The following MSRA variants were observed in gnomAD, a reference collection of about 807,000 sequenced individuals.
The protein encoded by MSRA is methionine sulfoxide reductase A.
MSRA carries 54 observed loss-of-function variants against 31.3 expected under a neutral mutation model. That is an observed-to-expected ratio of 1.73 (90% CI 1.39 to 2.17). The LOEUF (loss-of-function observed/expected upper bound fraction) is 2.17, where lower values mean the gene tolerates loss of function less well. MSRA is among the 30% of genes most tolerant of loss of function. MSRA has a pLI of 0.00. For synonymous variants in MSRA, 169 were observed against 116.5 expected (o/e 1.45, Z -2.90); for missense variants, 507 against 300.9 (o/e 1.69, Z -5.07).
intron 1 of MSRA, among the ~76,000 whole-genome samples, chr8:10,093,123 T>C (rs564640682): frequency 1.3e-4 from 20 of 152,286 alleles, no homozygotes; most frequent in African/African-American, 4.8e-4. Flanking sequence ...AATTTTGTTT[T>C]AAAATTTTAA....
intron 5 of MSRA, among the ~76,000 whole-genome samples, chr8:10,390,256 G>A (rs898848531): frequency 2.6e-5 from 4 of 152,224 alleles, no homozygotes; most frequent in Admixed American, 1.3e-4. Context: ...AGCCCTGAGA[G>A]GAGGGGGTCC....
chr8:10,155,217 A>G (rs1019631731), intron 1 of MSRA, among the ~76,000 whole-genome samples: 1 of 152,118 alleles, frequency 6.6e-6, no homozygotes, highest in African/African-American at 2.4e-5. Flanking sequence ...TATTGATGAC[A>G]TTCTGAAACT....
intron 1 of MSRA, among the ~76,000 whole-genome samples, chr8:10,085,866 T>C (rs1247714383): frequency 6.6e-6 from 1 of 152,240 alleles, no homozygotes; most frequent in African/African-American, 2.4e-5. Flanking sequence ...CTGTATGGGC[T>C]TTTCCACCTA....
chr8:10,136,043 G>C (rs1802246011), intron 1 of MSRA, among the ~76,000 whole-genome samples: 1 of 142,842 alleles, frequency 7.0e-6, no homozygotes, highest in South Asian at 2.3e-4. Context: ...CTGACTGTGA[G>C]GCTGGGACTT....
At chr8:10,115,477 A>G (rs951214202) in intron 1 of MSRA, among the ~76,000 whole-genome samples, 6 of 152,180 alleles carry the variant, frequency 3.9e-5, no homozygotes, top group African/African-American at 1.4e-4. Context: ...CAGCACCTCG[A>G]TGTTTGGACT....
At chr8:10,413,193 G>A (rs1808257896) in intron 5 of MSRA, among the ~76,000 whole-genome samples, 1 of 152,232 alleles carries the variant, frequency 6.6e-6, no homozygotes, top group South Asian at 2.1e-4. Flanking sequence ...AGAAGGCCGA[G>A]TGGAGAACCG....
chr8:10,387,156 G>A (rs775158032), intron 5 of MSRA, among the ~76,000 whole-genome samples: 18 of 152,298 alleles, frequency 1.2e-4, no homozygotes, highest in South Asian at 4.1e-4. Context: ...TAGAGGATCC[G>A]TGACTGCACT....
intron 5 of MSRA, chr8:10,337,181 CT>C (rs575497814): frequency 1.5e-3 from 217 of 145,602 alleles, no homozygotes; most frequent in Middle Eastern, 3.6e-3. Flanking sequence ...GCCTATGTTA[CT>C]TTTTTTTTTT....
intron 5 of MSRA, among the ~76,000 whole-genome samples, chr8:10,423,957 C>T (rs1808971786): frequency 6.6e-6 from 1 of 152,192 alleles, no homozygotes; most frequent in African/African-American, 2.4e-5. Flanking sequence ...GCACAAAGCC[C>T]CGAGATGAGG....
chr8:10,408,030 T>A (rs1247119573), intron 5 of MSRA, among the ~76,000 whole-genome samples: 2 of 152,118 alleles, frequency 1.3e-5, no homozygotes, highest in Non-Finnish European at 2.9e-5. Flanking sequence ...TTGACAAGCT[T>A]CGACACCACA....
chr8:10,390,106 G>A (rs1585657853), intron 5 of MSRA, among the ~76,000 whole-genome samples: 2 of 152,160 alleles, frequency 1.3e-5, no homozygotes, highest in South Asian at 2.1e-4. Context: ...CACATTCCCC[G>A]TGAGATCTGA....
chr8:10,402,429 A>C (rs1807523361), intron 5 of MSRA, among the ~76,000 whole-genome samples: 1 of 152,132 alleles, frequency 6.6e-6, no homozygotes, highest in Admixed American at 6.5e-5. Flanking sequence ...TCTTTCCTCC[A>C]CTTGCAGCTC....
intron 1 of MSRA, among the ~76,000 whole-genome samples, chr8:10,062,112 C>T (rs1797228722): frequency 1.3e-5 from 2 of 152,198 alleles, no homozygotes; most frequent in Admixed American, 6.5e-5. Context: ...GCCAGGCCCT[C>T]AGCAAGGACC....
At chr8:10,386,583 C>T (rs563340148) in intron 5 of MSRA, among the ~76,000 whole-genome samples, 1 of 152,212 alleles carries the variant, frequency 6.6e-6, no homozygotes, top group African/African-American at 2.4e-5. Context: ...GTTGCAAGCG[C>T]CGTCAGAGCT....
intron 2 of MSRA, among the ~76,000 whole-genome samples, chr8:10,213,477 C>G (rs1446130209): frequency 1.4e-5 from 2 of 140,820 alleles, no homozygotes; most frequent in Non-Finnish European, 3.0e-5. Flanking sequence ...CTTGCCCTCA[C>G]CCAGGCTGGA....
At chr8:10,203,985 A>G (rs1808726805) in intron 1 of MSRA, among the ~76,000 whole-genome samples, 1 of 151,862 alleles carries the variant, frequency 6.6e-6, no homozygotes, top group South Asian at 2.1e-4. Context: ...TTTTAAAAAT[A>G]GAAGTTTTCA....
At chr8:10,125,247 C>T (rs1801415091) in intron 1 of MSRA, among the ~76,000 whole-genome samples, 1 of 152,224 alleles carries the variant, frequency 6.6e-6, no homozygotes, top group South Asian at 2.1e-4. Context: ...GTACTCTCTG[C>T]TTCCTCTGTG....
Position 10,100,099 on chromosome 8 carries a change from G to C in MSRA, c.142+45441G>C, listed in dbSNP as rs545755489. ...TGCAGCACTAGGGGCCTTTGAGGGA[G>C]CAAGGGTGAATGTGGGATCCTGGGT... On this transcript the variant is annotated intron_variant, in intron 1 of 5. Transcript: ENST00000317173. Among the ~76,000 whole-genome samples the C allele has an allele frequency of 4.6e-5, 7 of 152,318 alleles. No individual in the cohort carries two copies. The East Asian group carries it at 1.4e-3, about 29-fold the overall frequency.
At chr8:10,193,879 T>TA (rs536913316) in intron 1 of MSRA, among the ~76,000 whole-genome samples, 9 of 152,116 alleles carry the variant, frequency 5.9e-5, no homozygotes, top group Middle Eastern at 3.4e-3. Context: ...CAGGATTTTT[T>TA]AAAAAAAATC....
Sources: allele counts gnomAD v4.1 joint callset (sites outside exome capture counted in the v4.1 genomes callset), GRCh38; gene constraint gnomAD v4.1.1; transcripts MANE v1.5; gene names NCBI Gene and HGNC (gene_info 2026-07-23, HGNC 2026-07-21).